Variants in MED12L observed in about 807,000 individuals in gnomAD.
MED12L encodes mediator complex subunit 12L.
MED12L carries 60 observed loss-of-function variants against 281.3 expected under a neutral mutation model. The observed-to-expected ratio is 0.21, with a 90% CI of 0.17 to 0.26. The LOEUF is 0.26. Ranked by LOEUF, MED12L falls within the 10% of genes least tolerant of loss-of-function variation. The probability of loss-of-function intolerance (pLI) is 1.00; values close to 1 mark genes in which losing one functional copy is unlikely to be tolerated. For synonymous variants in MED12L, 974 were observed against 987.2 expected, an observed-to-expected ratio of 0.99 and a Z score of 0.25; for missense variants, 2,146 against 2,680.9, an observed-to-expected ratio of 0.80 and a Z score of 4.41.
At chr3:151,158,668 A>G (rs1274386799) in intron 6 of MED12L, 21 bp from the exon 7 acceptor site, 2 of 1,521,050 alleles carry the variant, frequency 1.3e-6, no homozygotes, top group Non-Finnish European at 9.1e-7. Context: ...TATTAATGTA[A>G]TTTTTCTTTG....
At position 151,294,441 on chromosome 3, in the gene MED12L, G is replaced by A. The variant is rs751063950; in HGVS notation, c.2251-55618G>A. 28 of 1,614,092 alleles carry A rather than the reference G, an allele frequency of 1.7e-5. No individual in the cohort carries two copies. Among genetic ancestry groups the A allele is most frequent in the Non-Finnish European group, 2.3e-5 (27 of 1,180,036 alleles). The stretch of plus-strand genomic sequence containing the variant: ...AAAGTAAAAGGAATTCTGCACAAGT[G>A]ATATGGTAGAAAGCAGGTAAAAAAC... On this transcript the variant is annotated intron_variant, in intron 16 of 44. Transcript: ENST00000687756.
At chr3:151,335,068 A>G (rs1750808174) in intron 16 of MED12L, among the ~76,000 whole-genome samples, 1 of 152,186 alleles carries the variant, frequency 6.6e-6, no homozygotes, top group Admixed American at 6.5e-5. Flanking sequence ...TAAGTATACA[A>G]TGTGTAATGG....
intron 16 of MED12L, among the ~76,000 whole-genome samples, chr3:151,321,383 C>T (rs1748978264): frequency 6.6e-6 from 1 of 152,084 alleles, no homozygotes; most frequent in South Asian, 2.1e-4. Flanking sequence ...AAGCTTCATT[C>T]ATTCACAGTT....
intron 16 of MED12L, among the ~76,000 whole-genome samples, chr3:151,275,426 A>G (rs1175268799): frequency 6.6e-6 from 1 of 152,182 alleles, no homozygotes; most frequent in African/African-American, 2.4e-5. Flanking sequence ...CTTTTCAAAA[A>G]CAACAGATGG....
At chr3:151,264,865 G>A (rs550584950) in intron 16 of MED12L, among the ~76,000 whole-genome samples, 2 of 152,280 alleles carry the variant, frequency 1.3e-5, no homozygotes, top group East Asian at 3.9e-4. Flanking sequence ...GGCCCTGCCT[G>A]GTTCTCTGAC....
chr3:151,258,349 A>G (rs936061916), intron 16 of MED12L, among the ~76,000 whole-genome samples: 1 of 152,180 alleles, frequency 6.6e-6, no homozygotes, highest in African/African-American at 2.4e-5. Flanking sequence ...AATAATTTTT[A>G]GTACTTTCTA....
chr3:151,399,877 A>G (rs774512768), intron 39 of MED12L, among the ~76,000 whole-genome samples: 1 of 150,308 alleles, frequency 6.7e-6, no homozygotes, highest in African/African-American at 2.5e-5. Flanking sequence ...CCCAGGCTGG[A>G]GTGCAGCGGC....
intron 27 of MED12L, among the ~76,000 whole-genome samples, chr3:151,373,988 T>G (rs1756505614): frequency 6.6e-6 from 1 of 152,058 alleles, no homozygotes; most frequent in Non-Finnish European, 1.5e-5. Context: ...CACTTAAATA[T>G]ATGTAAATAT....
chr3:151,199,354 A>T (rs1231335534), intron 16 of MED12L: 4 of 1,612,874 alleles, frequency 2.5e-6, no homozygotes, highest in Non-Finnish European at 8.5e-7. Flanking sequence ...CCAGATCTTT[A>T]TAAACTGGGC....
chr3:151,136,545 C>T (rs966687312), intron 5 of MED12L, among the ~76,000 whole-genome samples: 1 of 152,172 alleles, frequency 6.6e-6, no homozygotes, highest in African/African-American at 2.4e-5. Context: ...CTCTGGCTAT[C>T]TGGTAAAAAC....
At chr3:151,424,267 T>C (rs564424985) in intron 43 of MED12L, among the ~76,000 whole-genome samples, 1 of 152,356 alleles carries the variant, frequency 6.6e-6, no homozygotes, top group African/African-American at 2.4e-5. Context: ...AGGAGATTTC[T>C]GGTAACTGGA....
chr3:151,238,796 TATTA>T (rs1452058384), intron 16 of MED12L, among the ~76,000 whole-genome samples: 4 of 152,342 alleles, frequency 2.6e-5, no homozygotes, highest in Admixed American at 2.0e-4. Flanking sequence ...TGTGCCAAAA[TATTA>T]ATTATGTATA....
At chr3:151,146,771 G>T (rs1033059328) in intron 5 of MED12L, among the ~76,000 whole-genome samples, 1 of 152,136 alleles carries the variant, frequency 6.6e-6, no homozygotes. Context: ...AATGTATCAC[G>T]CTGTGTCATT....
rs368433695 is a variant in MED12L, at chr3:151,230,570, CTT to C, written c.2250+36918_2250+36919del. On this transcript the variant is annotated intron_variant, in intron 16 of 44. Transcript: ENST00000687756. The stretch of plus-strand genomic sequence containing the variant: ...AGGACTAGTTTTGTTTTACTCCACG[CTT>C]TTTTTTTTTTTTTGAATGCACTTCC... 4.9e-3 allele frequency among the ~76,000 whole-genome samples: 677 copies of C among 139,366 alleles called. 40 individuals are homozygous for C. The South Asian group carries it at 0.14, about 30-fold the overall frequency. The allele number at this position is 139,366 out of a possible 152,430, so 91.4% of individuals were successfully genotyped here. A position where few individuals can be genotyped will look rare whatever the true frequency, so the allele number is the denominator to read the frequency against.
rs763509785 is a variant in MED12L, at chr3:151,409,277, C to T, written c.5855C>T (p.Ala1952Val). 1.6e-5 allele frequency: 25 copies of T among 1,611,128 alleles called. No individual in the cohort carries two copies. The highest frequency in any genetic ancestry group is 1.7e-4 in the Middle Eastern group (1 of 5,952). ...QPGDQAALFA[A>V]QARPSPQLPQ... ...GGGGACCAGGCTGCTCTCTTTGCTG[C>T]GCAAGCACGGCCCTCCCCTCAGCTC... The change falls in exon 40 of 45, where the codon GCG becomes GTG. Residue 1952 changes from alanine to valine, a missense_variant. This residue lies in a region of MED12L where 496 missense variants were observed against 512.0 expected (regional missense o/e 0.97). Coordinates refer to ENST00000687756, the MANE Select transcript of MED12L (RefSeq NM_001393769.1).
chr3:151,381,792 C>A (rs911098727), intron 32 of MED12L, among the ~76,000 whole-genome samples: 1 of 152,114 alleles, frequency 6.6e-6, no homozygotes, highest in Non-Finnish European at 1.5e-5. Flanking sequence ...CTTAAGCCAG[C>A]CTTAGGGAGG....
chr3:151,411,214 G>A (rs985278156), intron 40 of MED12L, 64 bp from the exon 41 acceptor site: 21 of 1,410,350 alleles, frequency 1.5e-5, no homozygotes, highest in Admixed American at 5.1e-5. Context: ...CCCATATATC[G>A]TAGTGATGGG....
intron 40 of MED12L, among the ~76,000 whole-genome samples, chr3:151,409,859 G>A (rs948505233): frequency 1.3e-5 from 2 of 152,148 alleles, no homozygotes. Flanking sequence ...CCAGTTGCAC[G>A]GGAGGCTAAA....
In MED12L at chr3:151,085,754, G is replaced by C. The variant is rs1719070839; in HGVS notation, c.-312G>C. On this transcript the variant is annotated 5_prime_UTR_variant, in exon 1 of 45. Transcript: ENST00000687756. ...GCGAGAACGCCGGCGGCGAGCCGGCGTCGCTCGCCGCCCCCAGACAGTGGC... is the reference window on the plus strand; with the variant it reads ...GCGAGAACGCCGGCGGCGAGCCGGCCTCGCTCGCCGCCCCCAGACAGTGGC... 1 of 152,036 alleles carries C rather than the reference G, an allele frequency of 6.6e-6. No homozygotes were observed. Among genetic ancestry groups the C allele is most frequent in the African/African-American group, 2.4e-5 (1 of 41,418 alleles). The allele number at this position is 152,036 out of a possible 1,614,324, so 9.4% of individuals were successfully genotyped here. A position where few individuals can be genotyped will look rare whatever the true frequency, so the allele number is the denominator to read the frequency against.
Sources: allele counts gnomAD v4.1 joint callset (sites outside exome capture counted in the v4.1 genomes callset), GRCh38; gene constraint gnomAD v4.1.1; regional missense constraint gnomAD v4.1.1; transcripts MANE v1.5; gene names NCBI Gene and HGNC (gene_info 2026-07-23, HGNC 2026-07-21).